Variants in HEATR3 observed in about 807,000 individuals in gnomAD.
The protein encoded by HEATR3 is HEAT repeat-containing protein 3.
Under a neutral mutation model 72.8 loss-of-function variants are expected in HEATR3, and 56 were observed. The observed-to-expected ratio is 0.77, with a 90% confidence interval of 0.62 to 0.96. The LOEUF (loss-of-function observed/expected upper bound fraction) is 0.96, where lower values mean the gene tolerates loss of function less well. Among genes scored for constraint, HEATR3 ranks in the 40% least tolerant of loss-of-function variants. HEATR3 has a pLI of 0.00. For missense variants in HEATR3, 747 were observed against 831.4 expected (o/e 0.90, Z 1.25); for synonymous variants, 331 against 318.1 (o/e 1.04, Z -0.43).
At chr16:50,102,660 CTTTT>C (rs1047175707) in intron 14 of HEATR3, among the ~76,000 whole-genome samples, 1 of 152,096 alleles carries the variant, frequency 6.6e-6, no homozygotes, top group South Asian at 2.1e-4. Context: ...ACAAGTTCTT[CTTTT>C]TTTAAGTTTA....
chr16:50,102,476 T>C (rs373339697), intron 14 of HEATR3, 41 bp downstream of exon 14: 5 of 1,577,324 alleles, frequency 3.2e-6, no homozygotes, highest in Non-Finnish European at 4.3e-6. Flanking sequence ...AGTCTGAACA[T>C]TCTGTGGGGA....
rs1425091914 is a variant in HEATR3, at chr16:50,102,975, C to CT, written c.1920+541dup. Among the ~76,000 whole-genome samples, 8 of 152,240 alleles carry CT rather than the reference C, an allele frequency of 5.3e-5. No individual in the cohort carries two copies. In the South Asian group the frequency reaches 1.7e-3, roughly 32 times the overall value. On this transcript the variant is annotated intron_variant, in intron 14 of 14. Transcript: ENST00000299192. ...ACGGGGATTCGCCTTGTCATCCAGG[C>CT]TGGTCTCGAACTCCCAACCTCAGGT...
intron 2 of HEATR3, among the ~76,000 whole-genome samples, chr16:50,068,242 A>G (rs1003853440): frequency 9.2e-5 from 14 of 152,172 alleles, no homozygotes; most frequent in African/African-American, 3.1e-4. Context: ...AAATTTACCC[A>G]GGGCTGCTTT....
intron 11 of HEATR3, 120 bp from the exon 12 acceptor site, chr16:50,094,585 T>G (rs1026723579): frequency 3.6e-6 from 2 of 561,440 alleles, no homozygotes; most frequent in Admixed American, 7.5e-5. Flanking sequence ...TTTTTTTGTT[T>G]GTTTGTTTTA....
chr16:50,100,158 G>A, intron 12 of HEATR3, 72 bp from the exon 13 acceptor site: 1 of 1,467,322 alleles, frequency 6.8e-7, no homozygotes, highest in Non-Finnish European at 9.3e-7. Flanking sequence ...ATTCCTGTCA[G>A]TCCGGTTTTC....
intron 14 of HEATR3, among the ~76,000 whole-genome samples, chr16:50,104,238 A>C (rs898701232): frequency 1.3e-5 from 2 of 151,990 alleles, no homozygotes; most frequent in African/African-American, 4.8e-5. Context: ...TTGTAGTCCT[A>C]GCTACTGTGG....
chr16:50,068,854 C>T lies in HEATR3; in HGVS notation c.386C>T (p.Ala129Val), dbSNP rs774662238. ...VTKDIMTPLV[A>V]LLKECSAGLD... ...AAGGATATCATGACCCCTCTGGTTGCGCTGCTAAAAGAGGTATGCAGTTTT... is the reference window on the plus strand; with the variant it reads ...AAGGATATCATGACCCCTCTGGTTGTGCTGCTAAAAGAGGTATGCAGTTTT... The change falls in exon 3 of 15, where the codon GCG (alanine) becomes GTG (valine). Residue 129 changes from alanine to valine, a missense_variant. Physicochemically the swap from Ala to Val is moderately conservative, Grantham distance 64 (BLOSUM62 0). Transcript: ENST00000299192. The T allele has an allele frequency of 2.6e-5, 42 of 1,612,950 alleles. No homozygotes were observed. Among genetic ancestry groups the T allele is most frequent in the Admixed American group, 6.7e-5 (4 of 59,946 alleles).
chr16:50,076,803 G>C (rs1230465276), intron 6 of HEATR3, among the ~76,000 whole-genome samples: 4 of 150,086 alleles, frequency 2.7e-5, no homozygotes, highest in Non-Finnish European at 5.9e-5. Context: ...GAGTTCAAGC[G>C]ATCCTCCTGC....
At chr16:50,094,670 A>T (rs751612756) in intron 11 of HEATR3, 35 bp from the exon 12 acceptor site, 1 of 1,308,596 alleles carries the variant, frequency 7.6e-7, no homozygotes, top group South Asian at 1.4e-5. Flanking sequence ...TATCTTGGAG[A>T]AATGCAAATT....
chr16:50,079,018 G>C lies in HEATR3; in HGVS notation c.1041G>C (p.Pro347=), dbSNP rs200208090. 7 of 1,609,388 alleles carry C rather than the reference G, an allele frequency of 4.3e-6. No individual in the cohort carries two copies. The Admixed American group carries it at 1.0e-4, about 23-fold the overall frequency. The change falls in exon 7 of 15, where the codon CCG becomes CCC. Residue 347 remains proline (P), a splice_region_variant and synonymous_variant. Coordinates refer to ENST00000299192, the MANE Select transcript of HEATR3 (RefSeq NM_182922.4). ...AAACTTTCGTTTCAGATTTACTTCC[G>C]GTAAGTCAGGTTGCTGTTCTCAAAT... The part of the protein sequence containing the change: ...RRKTFVSDLL[P]PTDKELRETI...
chr16:50,068,711 T>TAAAC (rs2036550191), intron 2 of HEATR3, 69 bp from the exon 3 acceptor site: 1 of 1,230,698 alleles, frequency 8.1e-7, no homozygotes, highest in Admixed American at 1.9e-5. Flanking sequence ...AAAATAGAAA[T>TAAAC]GTGAGAGGGT....
At chr16:50,094,281 G>A (rs1228081683) in intron 11 of HEATR3, among the ~76,000 whole-genome samples, 2 of 152,242 alleles carry the variant, frequency 1.3e-5, no homozygotes, top group Non-Finnish European at 2.9e-5. Context: ...GCAACAGTGT[G>A]TGGCTAAGCA....
intron 12 of HEATR3, among the ~76,000 whole-genome samples, chr16:50,096,692 G>A (rs574468960): frequency 6.1e-4 from 93 of 152,280 alleles, no homozygotes; most frequent in African/African-American, 1.9e-3. Flanking sequence ...CCAGCTACTT[G>A]GAAGGCTGAG....
At chr16:50,084,051 C>T (rs2036931054) in intron 8 of HEATR3, 24 bp downstream of exon 8, 3 of 1,613,248 alleles carry the variant, frequency 1.9e-6, no homozygotes, top group Non-Finnish European at 2.5e-6. Context: ...TACATTTAGA[C>T]ATTTTCCCCC....
In HEATR3 at chr16:50,066,197, C is replaced by G. The variant is rs750637470; in HGVS notation, c.66C>G (p.Ala22=). ...PQFSPTGDCQ[A]EAAAAANGTG... ...TCTCCCCTACGGGCGACTGTCAGGC[C>G]GAGGCGGCTGCGGCGGCGAATGGGA... The change falls in exon 1 of 15, where the codon GCC becomes GCG. Residue 22 remains alanine (A), a synonymous_variant. Transcript: ENST00000299192. The G allele has an allele frequency of 6.3e-7, 1 of 1,585,720 alleles. No homozygotes were observed.
At chr16:50,100,646 C>A in intron 13 of HEATR3, 1 of 388,682 alleles carries the variant, frequency 2.6e-6, no homozygotes, top group Non-Finnish European at 4.6e-6. Context: ...AGTGAAAGGG[C>A]AAATTCAGAA....
intron 5 of HEATR3, chr16:50,074,537 G>A (rs1052799071): frequency 6.6e-6 from 1 of 151,808 alleles, no homozygotes; most frequent in African/African-American, 2.4e-5. Flanking sequence ...ATGGGGTTTT[G>A]CCATGCTGGC....
intron 3 of HEATR3, among the ~76,000 whole-genome samples, chr16:50,069,860 C>T (rs1253857886): frequency 6.6e-6 from 1 of 152,158 alleles, no homozygotes; most frequent in Non-Finnish European, 1.5e-5. Flanking sequence ...TCACCTACCT[C>T]ATAGGTTTAT....
intron 5 of HEATR3, among the ~76,000 whole-genome samples, chr16:50,075,143 C>A (rs2036696096): frequency 6.6e-6 from 1 of 151,768 alleles, no homozygotes; most frequent in African/African-American, 2.4e-5. Context: ...ATGGTGAAAC[C>A]CTGTCTCTAC....
Sources: allele counts gnomAD v4.1 joint callset (sites outside exome capture counted in the v4.1 genomes callset), GRCh38; gene constraint gnomAD v4.1.1; transcripts MANE v1.5; gene names NCBI Gene and HGNC (gene_info 2026-07-23, HGNC 2026-07-21).